Variants in CTNNA3 observed in about 807,000 individuals in gnomAD.
CTNNA3 encodes catenin alpha 3.
Under a neutral mutation model 95.7 loss-of-function variants are expected in CTNNA3, and 76 were observed. The observed-to-expected ratio is 0.79, with a 90% CI of 0.66 to 0.96. The LOEUF (loss-of-function observed/expected upper bound fraction) is 0.96. Among genes scored for constraint, CTNNA3 ranks in the 40% least tolerant of loss-of-function variants. The pLI, the probability that CTNNA3 is intolerant of heterozygous loss-of-function variation, is 0.00. For missense variants in CTNNA3, 1,191 were observed against 1,089.8 expected, an observed-to-expected ratio of 1.09 and a Z score of -1.31; for synonymous variants, 431 against 374.4, an observed-to-expected ratio of 1.15 and a Z score of -1.74.
intron 1 of CTNNA3, among the ~76,000 whole-genome samples, chr10:67,690,812 T>G (rs1486291700): frequency 6.6e-6 from 1 of 152,218 alleles, no homozygotes; most frequent in Admixed American, 6.5e-5. Context: ...TGTACCAGAA[T>G]GTAAGTTAAT....
At chr10:66,375,275 T>C (rs2092787699) in intron 12 of CTNNA3, among the ~76,000 whole-genome samples, 1 of 151,052 alleles carries the variant, frequency 6.6e-6, no homozygotes, top group South Asian at 2.1e-4. Flanking sequence ...TGAAATCAAA[T>C]TCCTCCAGAG....
intron 7 of CTNNA3, among the ~76,000 whole-genome samples, chr10:66,925,036 T>G (rs1349222816): frequency 2.0e-5 from 3 of 152,216 alleles, no homozygotes; most frequent in East Asian, 3.9e-4. Context: ...AATTTGCTAA[T>G]CACAGCTTCC....
chr10:66,721,080 G>A (rs758767274), intron 9 of CTNNA3, among the ~76,000 whole-genome samples: 13 of 152,110 alleles, frequency 8.5e-5, no homozygotes, highest in Admixed American at 2.0e-4. Context: ...TGAATCACAC[G>A]TACAGACAAA....
intron 11 of CTNNA3, among the ~76,000 whole-genome samples, chr10:66,445,040 C>T (rs1440066659): frequency 2.0e-5 from 3 of 152,118 alleles, no homozygotes; most frequent in Non-Finnish European, 4.4e-5. Flanking sequence ...TCTGATAAAA[C>T]AGACTAAACC....
intron 5 of CTNNA3, among the ~76,000 whole-genome samples, chr10:67,464,719 A>G (rs1170928679): frequency 6.6e-6 from 1 of 152,178 alleles, no homozygotes; most frequent in Non-Finnish European, 1.5e-5. Flanking sequence ...AAATGATTCT[A>G]TAAAGAAAAA....
At chr10:67,396,094 T>C (rs1466552890) in intron 5 of CTNNA3, among the ~76,000 whole-genome samples, 3 of 152,188 alleles carry the variant, frequency 2.0e-5, no homozygotes, top group Non-Finnish European at 4.4e-5. Context: ...TAAAAATTTC[T>C]TTAGATGATT....
In CTNNA3 at chr10:67,366,367, AAAAT is replaced by A. The variant is rs879359047; in HGVS notation, c.580-146501_580-146498del. ...GAACTTAAAGTATAAAAAATAAAAT[AAAAT>A]AAAGAAAAGAAATTCACTGACATTC... On this transcript the variant is annotated intron_variant, in intron 5 of 17. Transcript: ENST00000433211. 3.2e-3 allele frequency among the ~76,000 whole-genome samples: 213 copies of A among 67,340 alleles called. 2 individuals are homozygous for A. The highest frequency in any genetic ancestry group is 0.01 in the Middle Eastern group (1 of 98). The allele number at this position is 67,340 out of a possible 152,430, so 44.2% of individuals were successfully genotyped here.
chr10:66,144,614 A>G (rs1373535296), intron 13 of CTNNA3, among the ~76,000 whole-genome samples: 1 of 151,912 alleles, frequency 6.6e-6, no homozygotes, highest in Non-Finnish European at 1.5e-5. Context: ...CAGCCTCCTG[A>G]GTAGCTGAGA....
chr10:66,412,737 G>T (rs2093117188), intron 11 of CTNNA3, among the ~76,000 whole-genome samples: 1 of 151,854 alleles, frequency 6.6e-6, no homozygotes, highest in Non-Finnish European at 1.5e-5. Flanking sequence ...GGGATTACAG[G>T]CATTAGTCAC....
rs921469446 is a variant in CTNNA3 at position 66,031,941 on chromosome 10, G to A, written c.2159+37367C>T. Among the ~76,000 whole-genome samples the A allele has an allele frequency of 4.6e-5, 7 of 152,272 alleles. No individual in the cohort carries two copies. In the East Asian group the frequency reaches 1.4e-3, roughly 29 times the overall value. Reference sequence around the variant, plus strand: ...AAGTATTATTTTTAAAGTTATAGAAGTAGCTGGTAAAGGAACTGAAAAACA... The same window carrying A: ...AAGTATTATTTTTAAAGTTATAGAAATAGCTGGTAAAGGAACTGAAAAACA... On this transcript the variant is annotated intron_variant, in intron 15 of 17. Coordinates refer to ENST00000433211, the MANE Select transcript of CTNNA3 (RefSeq NM_013266.4).
chr10:66,513,348 A>G (rs528597646), intron 11 of CTNNA3, among the ~76,000 whole-genome samples: 2 of 152,240 alleles, frequency 1.3e-5, no homozygotes, highest in South Asian at 4.1e-4. Flanking sequence ...TGTAGTCACC[A>G]TATGATTTCT....
At chr10:67,559,363 G>C (rs771390779) in intron 3 of CTNNA3, among the ~76,000 whole-genome samples, 34 of 152,336 alleles carry the variant, frequency 2.2e-4, no homozygotes, top group Middle Eastern at 3.4e-3. Flanking sequence ...CACCGCTGCT[G>C]ATACCCAGGC....
intron 2 of CTNNA3, among the ~76,000 whole-genome samples, chr10:67,612,260 C>G (rs1843483131): frequency 6.6e-6 from 1 of 152,092 alleles, no homozygotes; most frequent in Admixed American, 6.5e-5. Flanking sequence ...TGAATAAGCT[C>G]CAATATGGCA....
intron 7 of CTNNA3, among the ~76,000 whole-genome samples, chr10:67,076,955 C>T (rs571590674): frequency 7.1e-4 from 108 of 152,332 alleles, no homozygotes; most frequent in African/African-American, 2.5e-3. Flanking sequence ...GTCTTTATCA[C>T]GTCTAACACC....
intron 12 of CTNNA3, among the ~76,000 whole-genome samples, chr10:66,352,603 A>C (rs1007130023): frequency 3.3e-5 from 5 of 152,132 alleles, no homozygotes; most frequent in African/African-American, 1.2e-4. Flanking sequence ...TGTATAATAA[A>C]TTGTGTCATT....
At chr10:66,707,841 T>C (rs1219820000) in intron 9 of CTNNA3, among the ~76,000 whole-genome samples, 1 of 152,128 alleles carries the variant, frequency 6.6e-6, no homozygotes, top group African/African-American at 2.4e-5. Context: ...CAAGTCTTCA[T>C]ATCGTATCTC....
intron 9 of CTNNA3, among the ~76,000 whole-genome samples, chr10:66,715,427 C>A (rs1848420566): frequency 6.6e-6 from 1 of 151,968 alleles, no homozygotes; most frequent in Non-Finnish European, 1.5e-5. Flanking sequence ...TTGGTAAGCC[C>A]ACTCCTAGAT....
chr10:67,638,268 G>C (rs1169356089), intron 2 of CTNNA3, among the ~76,000 whole-genome samples: 1 of 152,102 alleles, frequency 6.6e-6, no homozygotes, highest in Admixed American at 6.6e-5. Context: ...AGACAAAGAA[G>C]GCCATTACAT....
intron 6 of CTNNA3, among the ~76,000 whole-genome samples, chr10:67,210,333 AT>A (rs1358593138): frequency 6.6e-6 from 1 of 152,120 alleles, no homozygotes; most frequent in Non-Finnish European, 1.5e-5. Context: ...TAAAAGCAGA[AT>A]CTAGTAAATA....
Sources: allele counts gnomAD v4.1 joint callset (sites outside exome capture counted in the v4.1 genomes callset), GRCh38; gene constraint gnomAD v4.1.1; transcripts MANE v1.5; gene names NCBI Gene and HGNC (gene_info 2026-07-23, HGNC 2026-07-21).